Variants in CNTN6 observed in about 807,000 individuals in gnomAD.
CNTN6 encodes the protein contactin-6.
A neutral mutation model predicts 122.8 loss-of-function variants in CNTN6; 137 were observed. That is an observed-to-expected ratio of 1.12 (90% CI 0.97 to 1.29). CNTN6 has a LOEUF of 1.29. Ranked by LOEUF, CNTN6 falls within the 50% of genes most tolerant of loss-of-function variation. CNTN6 has a pLI of 0.00. For missense variants in CNTN6, 1,634 were observed against 1,223.4 expected (o/e 1.34, Z -5.01); for synonymous variants, 570 against 426.0 (o/e 1.34, Z -4.16).
chr3:1,152,126 A>G (rs147858460), intron 2 of CNTN6, among the ~76,000 whole-genome samples: 5 of 141,516 alleles, frequency 3.5e-5, no homozygotes, highest in African/African-American at 1.6e-4. Flanking sequence ...TTATTTATAT[A>G]TTTGTTTGTT....
intron 10 of CNTN6, 126 bp downstream of exon 10, chr3:1,327,712 C>G (rs140968632): frequency 2.1e-6 from 2 of 970,418 alleles, no homozygotes; most frequent in Non-Finnish European, 3.0e-6. Context: ...TGGGAAATGT[C>G]TAAATTAACT....
intron 4 of CNTN6, among the ~76,000 whole-genome samples, chr3:1,273,180 T>A (rs555038911): frequency 2.4e-4 from 37 of 152,296 alleles, no homozygotes; most frequent in African/African-American, 8.2e-4. Flanking sequence ...ATCAAGGTCA[T>A]TAACAGCAAC....
At chr3:1,226,616 G>T (rs1463229608) in intron 3 of CNTN6, among the ~76,000 whole-genome samples, 1 of 152,096 alleles carries the variant, frequency 6.6e-6, no homozygotes, top group Admixed American at 6.6e-5. Flanking sequence ...CTTACCATTA[G>T]ATCATACCCT....
At chr3:1,287,908 C>A (rs1243262889) in intron 5 of CNTN6, among the ~76,000 whole-genome samples, 1 of 152,168 alleles carries the variant, frequency 6.6e-6, no homozygotes, top group Non-Finnish European at 1.5e-5. Flanking sequence ...AGCATATGAG[C>A]AAGGAATAAC....
chr3:1,182,857 TGAA>T (rs1374240786), intron 2 of CNTN6, among the ~76,000 whole-genome samples: 4 of 152,172 alleles, frequency 2.6e-5, no homozygotes, highest in Non-Finnish European at 4.4e-5. Flanking sequence ...ATTTCTTTTT[TGAA>T]AAAAGTCATC....
At chr3:1,189,991 CA>C (rs1340036020) in intron 2 of CNTN6, among the ~76,000 whole-genome samples, 4 of 152,164 alleles carry the variant, frequency 2.6e-5, no homozygotes, top group Non-Finnish European at 5.9e-5. Context: ...AACAAAATAC[CA>C]CAGACTGGCT....
In CNTN6 at chr3:1,222,362, T is replaced by C. The variant is rs576682282; in HGVS notation, c.182+1549T>C. 3.9e-5 allele frequency among the ~76,000 whole-genome samples: 6 copies of C among 152,300 alleles called. No individual in the cohort carries two copies. The South Asian group carries it at 1.2e-3, about 32-fold the overall frequency. On this transcript the variant is annotated intron_variant, in intron 3 of 22. Transcript: ENST00000446702. ...CCTAATACTTAAAGTAGTAATTTTA[T>C]GTTTGAGAGCTAACTAGGTTGATCC...
intron 4 of CNTN6, among the ~76,000 whole-genome samples, chr3:1,237,678 C>T (rs1371142287): frequency 6.6e-6 from 1 of 152,042 alleles, no homozygotes; most frequent in Non-Finnish European, 1.5e-5. Flanking sequence ...TAAAGGAAAA[C>T]CTATCAGATT....
chr3:1,392,167 T>A (rs1448573143), intron 20 of CNTN6, among the ~76,000 whole-genome samples: 3 of 152,254 alleles, frequency 2.0e-5, no homozygotes, highest in African/African-American at 7.2e-5. Flanking sequence ...ACTACAAGGC[T>A]ACAGTAACCA....
chr3:1,385,349 T>C (rs1457005375), intron 19 of CNTN6, among the ~76,000 whole-genome samples: 1 of 151,848 alleles, frequency 6.6e-6, no homozygotes, highest in Non-Finnish European at 1.5e-5. Flanking sequence ...AGATAGCTCA[T>C]AAAATACTTT....
Position 1,265,642 on chromosome 3 carries a change from A to G in CNTN6, c.359-12771A>G, listed in dbSNP as rs533186505. Among the ~76,000 whole-genome samples, 24 of 152,268 alleles carry G rather than the reference A, an allele frequency of 1.6e-4. No individual in the cohort carries two copies. The South Asian group carries it at 4.4e-3, about 28-fold the overall frequency. On this transcript the variant is annotated intron_variant, in intron 4 of 22. Transcript: ENST00000446702. ...ATTTCTAAGAGTCCTTCAGCATTCT[A>G]TATCTTGATTTTCTTTTTGTTTCTG...
intron 1 of CNTN6, among the ~76,000 whole-genome samples, chr3:1,142,384 GGTC>G (rs2092628536): frequency 6.6e-6 from 1 of 152,050 alleles, no homozygotes; most frequent in African/African-American, 2.4e-5. Context: ...GGTGAGAAGA[GGTC>G]GTATAAAGGC....
chr3:1,302,669 T>C (rs1322672087), intron 7 of CNTN6, among the ~76,000 whole-genome samples: 2 of 152,150 alleles, frequency 1.3e-5, no homozygotes, highest in Admixed American at 6.5e-5. Flanking sequence ...CCCATACATG[T>C]GCTCACATAA....
At position 1,329,251 on chromosome 3, in the gene CNTN6, A is replaced by G. The variant is rs530288181; in HGVS notation, c.1214-534A>G. On this transcript the variant is annotated intron_variant, in intron 10 of 22. Transcript: ENST00000446702. Reference sequence around the variant, plus strand: ...TACACATGTATGTGCATACATGTATATGTGTGTGTGTGTTTCTGATTTATC... The same window carrying G: ...TACACATGTATGTGCATACATGTATGTGTGTGTGTGTGTTTCTGATTTATC... Among the ~76,000 whole-genome samples, 9 of 150,894 alleles carry G rather than the reference A, an allele frequency of 6.0e-5. No individual in the cohort carries two copies. The South Asian group carries it at 1.3e-3, about 21-fold the overall frequency.
At chr3:1,136,802 G>T (rs2125121536) in intron 1 of CNTN6, among the ~76,000 whole-genome samples, 1 of 152,218 alleles carries the variant, frequency 6.6e-6, no homozygotes. Flanking sequence ...TGATGATACT[G>T]GTCAAATGAG....
At chr3:1,124,256 C>T (rs1334264148) in intron 1 of CNTN6, among the ~76,000 whole-genome samples, 3 of 151,868 alleles carry the variant, frequency 2.0e-5, no homozygotes, top group South Asian at 2.1e-4. Flanking sequence ...CAGGCCAACG[C>T]GCCAACACCA....
intron 6 of CNTN6, among the ~76,000 whole-genome samples, chr3:1,297,533 C>G (rs1174884462): frequency 6.6e-6 from 1 of 151,932 alleles, no homozygotes; most frequent in Non-Finnish European, 1.5e-5. Context: ...TAATGTGATG[C>G]CTTTATATGT....
At chr3:1,136,764 C>T (rs747148303) in intron 1 of CNTN6, among the ~76,000 whole-genome samples, 9 of 152,054 alleles carry the variant, frequency 5.9e-5, no homozygotes, top group Admixed American at 1.3e-4. Flanking sequence ...GATTGGCCAT[C>T]GGGATGAAAA....
intron 10 of CNTN6, among the ~76,000 whole-genome samples, chr3:1,328,773 A>C (rs1263441874): frequency 2.6e-5 from 4 of 151,660 alleles, no homozygotes; most frequent in Non-Finnish European, 5.9e-5. Flanking sequence ...ACCCGAAAGA[A>C]CTTCAGTTCA....
Sources: gnomAD v4.1 joint callset for allele counts (sites outside exome capture counted in the v4.1 genomes callset) on GRCh38, gnomAD v4.1.1 for gene constraint, MANE v1.5 for transcripts, NCBI Gene and HGNC (gene_info 2026-07-23, HGNC 2026-07-21) for gene names.